Variants in ROR1 observed in about 807,000 individuals in gnomAD.
ROR1 encodes the protein inactive tyrosine-protein kinase transmembrane receptor ROR1.
ROR1 carries 19 observed loss-of-function variants against 78.8 expected under a neutral mutation model. The observed-to-expected ratio is 0.24, with a 90% CI of 0.17 to 0.35. The LOEUF (loss-of-function observed/expected upper bound fraction) is 0.35, where lower values mean the gene tolerates loss of function less well. ROR1 is among the 10% of genes least tolerant of loss of function. The pLI is 1.00. For missense variants in ROR1, 917 were observed against 1,177.8 expected, an observed-to-expected ratio of 0.78 and a Z score of 3.24; for synonymous variants, 386 against 433.6, an observed-to-expected ratio of 0.89 and a Z score of 1.36.
chr1:63,964,635 G>A (rs1038526279), intron 1 of ROR1, among the ~76,000 whole-genome samples: 1 of 152,172 alleles, frequency 6.6e-6, no homozygotes, highest in African/African-American at 2.4e-5. Flanking sequence ...TAATTCTGAG[G>A]TGATAGTAGA....
intron 1 of ROR1, among the ~76,000 whole-genome samples, chr1:63,779,680 C>T (rs1445637477): frequency 6.6e-6 from 1 of 152,112 alleles, no homozygotes; most frequent in East Asian, 1.9e-4. Flanking sequence ...GCAGTAAGCT[C>T]AGTTGGGGTT....
intron 3 of ROR1, 49 bp downstream of exon 3, chr1:64,050,027 G>A (rs1425433360): frequency 3.8e-6 from 6 of 1,594,868 alleles, no homozygotes; most frequent in Non-Finnish European, 4.3e-6. Context: ...GCCCAATGTG[G>A]TAGGATGGCT....
Position 63,775,930 on chromosome 1 carries a change from G to A in ROR1, c.91+1422G>A, listed in dbSNP as rs551421678. On this transcript the variant is annotated intron_variant, in intron 1 of 8. Transcript: ENST00000371079. ...TCCTGATGAAAAATCCTAATGAAAT[G>A]TAAACAGCTTGGTCACATAGATGTT... 3.2e-4 allele frequency among the ~76,000 whole-genome samples: 49 copies of A among 152,346 alleles called. 1 individual carries two copies. The South Asian group carries it at 6.6e-3, about 21-fold the overall frequency.
chr1:63,998,456 G>T (rs1000265486), intron 1 of ROR1, among the ~76,000 whole-genome samples: 2 of 152,014 alleles, frequency 1.3e-5, no homozygotes, highest in Non-Finnish European at 2.9e-5. Flanking sequence ...ATTGATATCA[G>T]TGTTATAATC....
chr1:64,057,538 T>C (rs1412915075), intron 4 of ROR1, among the ~76,000 whole-genome samples: 1 of 152,214 alleles, frequency 6.6e-6, no homozygotes, highest in African/African-American at 2.4e-5. Context: ...TTTTGGGCAG[T>C]TGCTCATGCC....
chr1:64,083,630 G>A (rs1001002192), intron 4 of ROR1, among the ~76,000 whole-genome samples: 1 of 149,320 alleles, frequency 6.7e-6, no homozygotes, highest in African/African-American at 2.5e-5. Flanking sequence ...GAATTAAAAT[G>A]CTGAAAGCAG....
chr1:64,092,873 G>A (rs1647213532), intron 4 of ROR1, among the ~76,000 whole-genome samples: 1 of 152,150 alleles, frequency 6.6e-6, no homozygotes, highest in South Asian at 2.1e-4. Flanking sequence ...GCTCAACAGA[G>A]CACAAAATGC....
chr1:64,069,163 CG>C (rs1270905962), intron 4 of ROR1, among the ~76,000 whole-genome samples: 6 of 150,454 alleles, frequency 4.0e-5, no homozygotes, highest in Admixed American at 4.0e-4. Flanking sequence ...TAACTGGTGG[CG>C]GGGGGAACTT....
chr1:63,883,890 G>A (rs972273704), intron 1 of ROR1, among the ~76,000 whole-genome samples: 1 of 152,176 alleles, frequency 6.6e-6, no homozygotes, highest in African/African-American at 2.4e-5. Flanking sequence ...CTGCTCAGAG[G>A]CGAGGAGGTG....
intron 4 of ROR1, among the ~76,000 whole-genome samples, chr1:64,116,199 T>C (rs1648310925): frequency 6.6e-6 from 1 of 152,202 alleles, no homozygotes. Flanking sequence ...AATCCTTACA[T>C]TCCAGCTGTG....
At chr1:63,867,687 G>A (rs1049538385) in intron 1 of ROR1, among the ~76,000 whole-genome samples, 3 of 152,148 alleles carry the variant, frequency 2.0e-5, no homozygotes, top group African/African-American at 2.4e-5. Context: ...TGACCTCGCC[G>A]ACGAAAATAT....
At chr1:63,831,343 A>G (rs1337733444) in intron 1 of ROR1, among the ~76,000 whole-genome samples, 1 of 152,200 alleles carries the variant, frequency 6.6e-6, no homozygotes, top group Non-Finnish European at 1.5e-5. Flanking sequence ...CCTGCAGCAG[A>G]CGTCTTCCTG....
chr1:64,158,556 G>A (rs187016839), intron 7 of ROR1, among the ~76,000 whole-genome samples: 129 of 152,318 alleles, frequency 8.5e-4, no homozygotes, highest in African/African-American at 3.0e-3. Flanking sequence ...ATGATTTCTA[G>A]AACACCATCT....
intron 1 of ROR1, among the ~76,000 whole-genome samples, chr1:63,954,304 G>T (rs1406661723): frequency 6.6e-6 from 1 of 152,182 alleles, no homozygotes; most frequent in Non-Finnish European, 1.5e-5. Context: ...TCATTTGAGG[G>T]CACAACCTAG....
intron 6 of ROR1, among the ~76,000 whole-genome samples, chr1:64,141,551 A>G (rs1569845470): frequency 6.6e-6 from 1 of 152,026 alleles, no homozygotes; most frequent in Admixed American, 6.6e-5. Context: ...GGGGACACAG[A>G]CCCAAACCAT....
intron 1 of ROR1, among the ~76,000 whole-genome samples, chr1:63,980,672 A>G (rs74078167): frequency 0.031 from 4,695 of 152,318 alleles, 248 homozygotes; most frequent in African/African-American, 0.11. Flanking sequence ...CCATCTGTCT[A>G]CAGGCATCTC....
chr1:63,986,086 G>GA (rs1382586353), intron 1 of ROR1, among the ~76,000 whole-genome samples: 2 of 152,018 alleles, frequency 1.3e-5, no homozygotes, highest in African/African-American at 4.8e-5. Flanking sequence ...AGTCTAGATG[G>GA]AAAAAAACTT....
chr1:63,920,254 C>G (rs1645643750), intron 1 of ROR1, among the ~76,000 whole-genome samples: 1 of 152,082 alleles, frequency 6.6e-6, no homozygotes, highest in South Asian at 2.1e-4. Flanking sequence ...AAAACAGCAC[C>G]CAGCTGCCAA....
At chr1:63,892,079 T>G (rs573076751) in intron 1 of ROR1, among the ~76,000 whole-genome samples, 3 of 152,340 alleles carry the variant, frequency 2.0e-5, no homozygotes, top group African/African-American at 7.2e-5. Flanking sequence ...TTTATTCACT[T>G]CTACTTTAAT....
Sources: allele counts gnomAD v4.1 joint callset (sites outside exome capture counted in the v4.1 genomes callset), GRCh38; gene constraint gnomAD v4.1.1; transcripts MANE v1.5; gene names NCBI Gene and HGNC (gene_info 2026-07-23, HGNC 2026-07-21).